ZNF846: variants seen among roughly 807,000 people sequenced by gnomAD.
ZNF846 encodes zinc finger protein 846.
ZNF846 carries 15 observed loss-of-function variants against 16.0 expected under a neutral mutation model. The ratio of observed to expected loss-of-function variants is 0.94; its 90% CI spans 0.63 to 1.45. ZNF846 has a LOEUF of 1.45. Among genes scored for constraint, ZNF846 ranks in the 40% most tolerant of loss-of-function variants. The pLI is 0.00. For synonymous variants in ZNF846, 229 were observed against 212.0 expected (o/e 1.08, Z -0.70); for missense variants, 714 against 622.3 (o/e 1.15, Z -1.57).
intron 5 of ZNF846, among the ~76,000 whole-genome samples, chr19:9,759,045 C>G (rs1472765837): frequency 6.6e-6 from 1 of 151,696 alleles, no homozygotes; most frequent in African/African-American, 2.4e-5. Flanking sequence ...GTCACCCAGG[C>G]TGAAGTGCAG....
downstream of ZNF846, among the ~76,000 whole-genome samples, chr19:9,750,649 A>G (rs753357830): frequency 4.6e-5 from 7 of 152,148 alleles, no homozygotes; most frequent in Non-Finnish European, 7.3e-5. Context: ...TGACACCAAC[A>G]TGACAAAAAA....
At chr19:9,755,877 G>C (rs1454719422), downstream of ZNF846, among the ~76,000 whole-genome samples, 2 of 114,350 alleles carry the variant, frequency 1.7e-5, no homozygotes, top group South Asian at 2.9e-4. Context: ...GTTTTGCTCT[G>C]TCACCCAGGC....
chr19:9,764,628 G>A (rs775223451), intron 2 of ZNF846, among the ~76,000 whole-genome samples: 13 of 152,164 alleles, frequency 8.5e-5, no homozygotes, highest in Admixed American at 2.0e-4. Context: ...ACCAGAAGGC[G>A]GTGACCCCCC....
intron 3 of ZNF846, 140 bp downstream of exon 3, chr19:9,763,142 C>T (rs1307239354): frequency 1.6e-6 from 1 of 645,014 alleles, no homozygotes; most frequent in African/African-American, 3.2e-5. Flanking sequence ...CAGACTGTGT[C>T]TCAAAAAAAA....
intron 1 of ZNF846, among the ~76,000 whole-genome samples, chr19:9,766,595 T>A (rs1437153806): frequency 6.6e-6 from 1 of 150,400 alleles, no homozygotes; most frequent in East Asian, 2.0e-4. Flanking sequence ...TTTTAAAATG[T>A]AGCTGGGCAT....
rs2045238245 is a variant in ZNF846 at position 9,761,974 on chromosome 19, G to A, written c.229+108C>T. 15 of 835,610 alleles carry A rather than the reference G, an allele frequency of 1.8e-5. No homozygotes were observed. The South Asian group carries it at 2.1e-4, about 12-fold the overall frequency. 51.8% of individuals were successfully genotyped at this position (835,610 alleles called of 1,614,324 possible). On this transcript the variant is annotated intron_variant, in intron 4 of 5. Coordinates refer to ENST00000397902, the Ensembl canonical transcript of ZNF846. ...AACCAAATGGCCTCAGCCTTCTCAG[G>A]AAGAAGAGTATACCCTGAGAAGTTC...
intron 1 of ZNF846, among the ~76,000 whole-genome samples, chr19:9,766,918 T>C (rs1186960616): frequency 2.8e-5 from 4 of 142,204 alleles, no homozygotes; most frequent in Non-Finnish European, 4.6e-5. Flanking sequence ...AAAAAAAAAG[T>C]GTTCTCTTCA....
chr19:9,748,879 C>T (rs1352048701), downstream of ZNF846, among the ~76,000 whole-genome samples: 3 of 152,156 alleles, frequency 2.0e-5, no homozygotes, highest in African/African-American at 7.2e-5. Context: ...CTCCAGCAGG[C>T]TAGACAGGAA....
chr19:9,770,747 T>C (rs2045383267), upstream of ZNF846, among the ~76,000 whole-genome samples: 1 of 151,942 alleles, frequency 6.6e-6, no homozygotes, highest in African/African-American at 2.4e-5. Context: ...TGCGCACCTG[T>C]AATCCCAGCT....
chr19:9,779,352 T>G (rs1467472567), intron 1 of ZNF846, among the ~76,000 whole-genome samples: 1 of 152,114 alleles, frequency 6.6e-6, no homozygotes, highest in Non-Finnish European at 1.5e-5. Flanking sequence ...TACCGCAACC[T>G]CCGCCTCCCG....
At chr19:9,772,002 G>A (rs955987379), upstream of ZNF846, among the ~76,000 whole-genome samples, 3 of 151,894 alleles carry the variant, frequency 2.0e-5, no homozygotes, top group South Asian at 4.2e-4. Flanking sequence ...TCTTGACCTC[G>A]TGATCCACCC....
intron 5 of ZNF846, 125 bp downstream of exon 5, chr19:9,759,735 A>G (rs1176142042): frequency 9.3e-6 from 6 of 644,822 alleles, no homozygotes; most frequent in South Asian, 2.1e-5. Context: ...TCCCATATTC[A>G]TGATATTCAG....
chr19:9,777,962 A>G (rs1337843170), intron 1 of ZNF846, among the ~76,000 whole-genome samples: 1 of 152,244 alleles, frequency 6.6e-6, no homozygotes, highest in Non-Finnish European at 1.5e-5. Context: ...ACACTGGACA[A>G]AGGAGAGAAT....
At chr19:9,777,138 C>G (rs2045452914) in intron 1 of ZNF846, among the ~76,000 whole-genome samples, 1 of 143,030 alleles carries the variant, frequency 7.0e-6, no homozygotes, top group Admixed American at 6.8e-5. Context: ...CGAAAGAAAA[C>G]ACACACACAC....
At chr19:9,758,838 C>G in intron 5 of ZNF846, 74 bp from the exon 6 acceptor site, 2 of 1,121,566 alleles carry the variant, frequency 1.8e-6, no homozygotes, top group Non-Finnish European at 2.5e-6. Context: ...CCAATCACAA[C>G]ATATATGCAT....
In ZNF846 at chr19:9,759,845, C is replaced by A. The variant is rs753811180; in HGVS notation, c.312+15G>T. On this transcript the variant is annotated intron_variant, in intron 5 of 5. Coordinates refer to ENST00000397902, the Ensembl canonical transcript of ZNF846. ...TTGTCCTAGTGTGGAAGATTTCATC[C>A]CTTGGAAATCTTACCAATTGTACTC... 2 of 1,585,162 alleles carry A rather than the reference C, an allele frequency of 1.3e-6. No individual in the cohort carries two copies. Among genetic ancestry groups the A allele is most frequent in the South Asian group, 2.2e-5 (2 of 89,886 alleles).
intron 3 of ZNF846, 46 bp from the exon 4 acceptor site, chr19:9,762,214 CA>C: frequency 6.9e-7 from 1 of 1,455,214 alleles, no homozygotes; most frequent in East Asian, 2.3e-5. Context: ...CAAGACATAA[CA>C]CCATGTCCTT....
chr19:9,761,798 CAAG>C (rs1267418255), intron 4 of ZNF846, among the ~76,000 whole-genome samples: 3 of 151,526 alleles, frequency 2.0e-5, no homozygotes. Context: ...ATGGGAGAAT[CAAG>C]AAAGCAATAT....
At chr19:9,766,471 C>A (rs1465682176) in intron 1 of ZNF846, among the ~76,000 whole-genome samples, 1 of 150,794 alleles carries the variant, frequency 6.6e-6, no homozygotes, top group East Asian at 2.0e-4. Context: ...TGTGGATCCA[C>A]ATTTGGGTTG....
Sources: allele counts gnomAD v4.1 joint callset (sites outside exome capture counted in the v4.1 genomes callset), GRCh38; gene constraint gnomAD v4.1.1; transcripts MANE v1.5; gene names NCBI Gene and HGNC (gene_info 2026-07-23, HGNC 2026-07-21).